ETV7: variants seen among roughly 807,000 people sequenced by gnomAD.
The protein encoded by ETV7 is ETS variant transcription factor 7.
Under a neutral mutation model 39.1 loss-of-function variants are expected in ETV7, and 43 were observed. The observed-to-expected ratio is 1.10, with a 90% CI of 0.86 to 1.42. The LOEUF (loss-of-function observed/expected upper bound fraction) is 1.42. Ranked by LOEUF, ETV7 falls within the 40% of genes most tolerant of loss-of-function variation. The pLI is 0.00. For missense variants in ETV7, 432 were observed against 442.3 expected, an observed-to-expected ratio of 0.98 and a Z score of 0.21; for synonymous variants, 196 against 176.6, an observed-to-expected ratio of 1.11 and a Z score of -0.87.
At chr6:36,379,611 C>T (rs568889646) in intron 2 of ETV7, among the ~76,000 whole-genome samples, 1 of 150,742 alleles carries the variant, frequency 6.6e-6, no homozygotes, top group South Asian at 2.1e-4. Context: ...GGCGTGGTGG[C>T]TCATGCCTGT....
intron 2 of ETV7, among the ~76,000 whole-genome samples, chr6:36,377,764 C>T (rs576655234): frequency 5.3e-5 from 8 of 152,130 alleles, no homozygotes. Context: ...GCTAGGGACA[C>T]GGCACAGAAC....
At chr6:36,386,744 C>T (rs1445636131) in intron 1 of ETV7, 1 of 152,260 alleles carries the variant, frequency 6.6e-6, no homozygotes, top group African/African-American at 2.4e-5. Flanking sequence ...CCGGGTCGTT[C>T]TCACTTCATT....
At position 36,369,091 on chromosome 6, in the gene ETV7, G is replaced by A; in HGVS notation, c.665-20C>T. The A allele has an allele frequency of 4.3e-6, 7 of 1,613,722 alleles. No homozygotes were observed. The highest frequency in any genetic ancestry group is 5.9e-6 in the Non-Finnish European group (7 of 1,179,900). ...GGCAGTCTGCAATTTAGCACAGGGA[G>A]TGCAGGCAGCGCAGCTTTACTGGAG... is the stretch of plus-strand genomic sequence containing the variant. On this transcript the variant is annotated intron_variant, in intron 5 of 7. Transcript: ENST00000340181.
chr6:36,375,084 A>AG (rs1554147847), intron 3 of ETV7, among the ~76,000 whole-genome samples: 1 of 147,682 alleles, frequency 6.8e-6, no homozygotes, highest in Non-Finnish European at 1.5e-5. Flanking sequence ...AAAAAAAAAA[A>AG]GAACTTGGGA....
In ETV7 at chr6:36,366,663, C is replaced by T. The variant is rs1305961136; in HGVS notation, c.1008G>A (p.Arg336=). 1 of 1,614,138 alleles carries T rather than the reference C, an allele frequency of 6.2e-7. No individual in the cohort carries two copies. The highest frequency in any genetic ancestry group is 1.7e-5 in the Admixed American group (1 of 60,026). ...CTGCCCCTCACGGAGAGATTTCTGGCCTCTTGTCCTTGAACTCTATTCTGT... is the reference window on the plus strand; with the variant it reads ...CTGCCCCTCACGGAGAGATTTCTGGTCTCTTGTCCTTGAACTCTATTCTGT... ...EQDRIEFKDK[R]PEISP Residue 336 remains arginine, a synonymous_variant, in exon 8 of 8, where the codon AGG becomes AGA. Transcript: ENST00000340181.
chr6:36,384,346 G>A (rs1379735784), intron 2 of ETV7, among the ~76,000 whole-genome samples: 1 of 152,202 alleles, frequency 6.6e-6, no homozygotes, highest in Non-Finnish European at 1.5e-5. Context: ...CCCTAGAAGT[G>A]TGCAGGAAGA....
rs756635831 is a variant in ETV7, at chr6:36,387,522, C to T, written c.6+14G>A. ...TCTGCGTGCGCGCTGCGTGTTCAGC[C>T]GCCAGGCTCTTACCTGCATTACAGG... On this transcript the variant is annotated intron_variant, in intron 1 of 7. Coordinates refer to ENST00000340181, the MANE Select transcript of ETV7 (RefSeq NM_016135.4). The T allele has an allele frequency of 3.7e-6, 6 of 1,614,112 alleles. No homozygotes were observed. The African/African-American group carries it at 8.0e-5, about 22-fold the overall frequency.
intron 2 of ETV7, among the ~76,000 whole-genome samples, chr6:36,378,876 C>T (rs188571226): frequency 6.6e-6 from 1 of 152,330 alleles, no homozygotes; most frequent in Admixed American, 6.5e-5. Context: ...TCCCCTGTGG[C>T]ACAGCAAATC....
intron 2 of ETV7, among the ~76,000 whole-genome samples, chr6:36,381,469 A>G (rs1471402728): frequency 6.6e-6 from 1 of 152,228 alleles, no homozygotes; most frequent in East Asian, 1.9e-4. Context: ...CGTCAAGAAT[A>G]AAAACTCAAC....
chr6:36,386,044 T>C (rs755143745), intron 1 of ETV7, among the ~76,000 whole-genome samples: 4 of 152,084 alleles, frequency 2.6e-5, no homozygotes, highest in Admixed American at 2.6e-4. Flanking sequence ...AATAAACAAA[T>C]AGACCAGGTG....
chr6:36,371,553 A>G lies in ETV7; in HGVS notation c.441T>C (p.Thr147=), dbSNP rs376243055. 2.6e-5 allele frequency: 42 copies of G among 1,586,110 alleles called. No homozygotes were observed. Among genetic ancestry groups the G allele is most frequent in the Non-Finnish European group, 3.4e-5 (40 of 1,168,192 alleles). Residue 147 remains threonine, a synonymous_variant, in exon 5 of 8, where the codon ACT becomes ACC. Coordinates refer to ENST00000340181, the MANE Select transcript of ETV7 (RefSeq NM_016135.4). The part of the protein sequence containing the change: ...QHSPVPPEEV[T]GPSQMDTRRG... Reference sequence around the variant, plus strand: ...TTCGGGTGTCCATCTGAGAGGGGCCAGTCACCTCTGCAAGCAGATGAGCAC... The same window carrying G: ...TTCGGGTGTCCATCTGAGAGGGGCCGGTCACCTCTGCAAGCAGATGAGCAC...
intron 4 of ETV7, among the ~76,000 whole-genome samples, chr6:36,372,202 C>A (rs1403244292): frequency 3.9e-5 from 6 of 152,188 alleles, no homozygotes; most frequent in East Asian, 1.9e-4. Flanking sequence ...GTATCTAGAG[C>A]AGAGAGGGGA....
chr6:36,377,556 C>A (rs763464644), intron 2 of ETV7, among the ~76,000 whole-genome samples: 15 of 152,132 alleles, frequency 9.9e-5, no homozygotes, highest in Non-Finnish European at 1.8e-4. Flanking sequence ...AAAGTTGAGG[C>A]AGAAGAGAGA....
downstream of ETV7, among the ~76,000 whole-genome samples, chr6:36,363,220 G>A (rs1455629329): frequency 1.3e-5 from 2 of 152,226 alleles, no homozygotes; most frequent in Non-Finnish European, 2.9e-5. Context: ...AGCTCTTCAG[G>A]TGGCGCATCT....
At chr6:36,386,393 G>A (rs1433300228) in intron 1 of ETV7, among the ~76,000 whole-genome samples, 1 of 152,152 alleles carries the variant, frequency 6.6e-6, no homozygotes, top group Non-Finnish European at 1.5e-5. Flanking sequence ...TGAATCCTAA[G>A]GTCTCACCAC....
chr6:36,357,007 T>G (rs1342615831), intron 7 of ETV7, among the ~76,000 whole-genome samples: 1 of 152,100 alleles, frequency 6.6e-6, no homozygotes, highest in Non-Finnish European at 1.5e-5. Flanking sequence ...AGCATGGAGT[T>G]TTGATGGGAA....
intron 7 of ETV7, 56 bp downstream of exon 7, chr6:36,366,819 A>C (rs1772747079): frequency 6.2e-7 from 1 of 1,612,968 alleles, no homozygotes; most frequent in South Asian, 1.1e-5. Context: ...GGGGGATTCC[A>C]GCCCACCCAA....
At chr6:36,374,352 GTC>G (rs1458669540) in intron 3 of ETV7, among the ~76,000 whole-genome samples, 2 of 143,864 alleles carry the variant, frequency 1.4e-5, no homozygotes, top group East Asian at 4.2e-4. Flanking sequence ...GTGAGACCCT[GTC>G]TCAAAAAAAA....
chr6:36,354,733 T>C (rs1772294731), intron 7 of ETV7: 1 of 687,560 alleles, frequency 1.5e-6, no homozygotes, highest in African/African-American at 1.8e-5. Flanking sequence ...AGGGATTGCA[T>C]TGAATATGTA....
Sources: allele counts gnomAD v4.1 joint callset (sites outside exome capture counted in the v4.1 genomes callset), GRCh38; gene constraint gnomAD v4.1.1; transcripts MANE v1.5; gene names NCBI Gene and HGNC (gene_info 2026-07-23, HGNC 2026-07-21).